GRAMD2B: variants seen among roughly 807,000 people sequenced by gnomAD.
The protein encoded by GRAMD2B is GRAM domain containing 2B.
GRAMD2B carries 41 observed loss-of-function variants against 59.2 expected under a neutral mutation model. The observed-to-expected ratio is 0.69, with a 90% confidence interval of 0.54 to 0.90. The LOEUF is 0.90. GRAMD2B is among the 40% of genes least tolerant of loss of function. The pLI is 0.00. For synonymous variants in GRAMD2B, 161 were observed against 182.7 expected (o/e 0.88, Z 0.96); for missense variants, 424 against 500.5 (o/e 0.85, Z 1.46).
intron 11 of GRAMD2B, 137 bp downstream of exon 11, chr5:126,485,910 T>A (rs1772824515): frequency 6.8e-6 from 4 of 585,224 alleles, no homozygotes; most frequent in Non-Finnish European, 1.2e-5. Context: ...TGACAATTTC[T>A]GTCTCCTACT....
Position 126,484,395 on chromosome 5 carries a change from TTAG to T in GRAMD2B, c.848-3_848-1del. On this transcript the variant is annotated splice_region_variant and splice_polypyrimidine_tract_variant and intron_variant, in intron 9 of 13. Transcript: ENST00000285689. Reference sequence around the variant, plus strand: ...AACACTTACCCAGCTCTGTTTTGGCTTAGTAGATTTCCATGCGACAGAATCCCA... The same window carrying T: ...AACACTTACCCAGCTCTGTTTTGGCTTAGATTTCCATGCGACAGAATCCCA... 2.5e-6 allele frequency: 4 copies of T among 1,612,510 alleles called. No individual in the cohort carries two copies. The South Asian group carries it at 3.3e-5, about 13-fold the overall frequency.
chr5:126,365,415 G>T (rs1012225004), intron 1 of GRAMD2B, among the ~76,000 whole-genome samples: 1 of 152,192 alleles, frequency 6.6e-6, no homozygotes, highest in African/African-American at 2.4e-5. Context: ...GGCAGAATAT[G>T]CAATAACCAC....
intron 13 of GRAMD2B, among the ~76,000 whole-genome samples, chr5:126,490,843 G>T (rs1276667491): frequency 6.6e-6 from 1 of 152,098 alleles, no homozygotes; most frequent in African/African-American, 2.4e-5. Context: ...TCTGTTCATG[G>T]CATCACTGCT....
At chr5:126,423,796 T>C (rs999514282) in intron 1 of GRAMD2B, 107 bp downstream of exon 1, 2 of 1,065,750 alleles carry the variant, frequency 1.9e-6, no homozygotes, top group East Asian at 5.7e-5. Flanking sequence ...GGAGCTCCTA[T>C]ATGGACAATC....
chr5:126,408,582 T>C (rs1758467066), intron 1 of GRAMD2B, among the ~76,000 whole-genome samples: 2 of 151,860 alleles, frequency 1.3e-5, no homozygotes, highest in Admixed American at 1.3e-4. Context: ...CTCCCTTGAA[T>C]GTGGCCTGAT....
chr5:126,363,973 T>C (rs1754333978), intron 1 of GRAMD2B, among the ~76,000 whole-genome samples: 1 of 152,200 alleles, frequency 6.6e-6, no homozygotes, highest in Admixed American at 6.5e-5. Context: ...GAACTTTGTA[T>C]TATGTAAATT....
chr5:126,481,106 A>G (rs1205789242), intron 8 of GRAMD2B, among the ~76,000 whole-genome samples: 1 of 151,926 alleles, frequency 6.6e-6, no homozygotes, highest in Admixed American at 6.6e-5. Flanking sequence ...TGCACACTGT[A>G]GGATACCAGG....
chr5:126,450,375 A>G (rs897860184), intron 1 of GRAMD2B, among the ~76,000 whole-genome samples: 3 of 152,180 alleles, frequency 2.0e-5, no homozygotes, highest in South Asian at 2.1e-4. Context: ...TATTTCTAGC[A>G]TAATATATTC....
At chr5:126,386,511 C>T (rs1262483242) in intron 1 of GRAMD2B, among the ~76,000 whole-genome samples, 1 of 152,210 alleles carries the variant, frequency 6.6e-6, no homozygotes, top group African/African-American at 2.4e-5. Context: ...GTAGCTCTGG[C>T]TCAGGGACTT....
At chr5:126,454,209 G>A (rs1765869729) in intron 1 of GRAMD2B, among the ~76,000 whole-genome samples, 1 of 152,212 alleles carries the variant, frequency 6.6e-6, no homozygotes, top group African/African-American at 2.4e-5. Flanking sequence ...CTTGGCTCGT[G>A]TCCAGATGCC....
intron 1 of GRAMD2B, among the ~76,000 whole-genome samples, chr5:126,442,590 C>T (rs1763487667): frequency 1.3e-5 from 2 of 152,252 alleles, no homozygotes; most frequent in African/African-American, 4.8e-5. Context: ...CCGCGCCTGG[C>T]CTAAAATGCT....
At chr5:126,426,616 A>G (rs2149789671) in intron 1 of GRAMD2B, among the ~76,000 whole-genome samples, 1 of 152,216 alleles carries the variant, frequency 6.6e-6, no homozygotes, top group East Asian at 1.9e-4. Flanking sequence ...TGAATTTCTC[A>G]GAGGACCCAA....
chr5:126,409,924 A>C (rs1462353609), intron 1 of GRAMD2B, among the ~76,000 whole-genome samples: 2 of 151,984 alleles, frequency 1.3e-5, no homozygotes, highest in East Asian at 1.9e-4. Context: ...CAGTTTTCCC[A>C]GCACCATTTA....
intron 1 of GRAMD2B, among the ~76,000 whole-genome samples, chr5:126,375,126 T>A (rs968848535): frequency 6.6e-6 from 1 of 152,196 alleles, no homozygotes; most frequent in Non-Finnish European, 1.5e-5. Context: ...ATCTTACACA[T>A]CATGTTAGAT....
At chr5:126,437,971 G>T (rs1251925611) in intron 1 of GRAMD2B, among the ~76,000 whole-genome samples, 2 of 152,184 alleles carry the variant, frequency 1.3e-5, no homozygotes, top group Admixed American at 6.5e-5. Context: ...TCACAGCTCA[G>T]ATTGGTGCAT....
chr5:126,423,686 C>T lies in GRAMD2B; in HGVS notation c.80C>T (p.Ala27Val), dbSNP rs1188437091. ...LGKRESKLGS[A>V]HSEAENGVEE... ...AAGAGGGAGAGCAAACTTGGCTCAGCCCAGTGAGTATTCTCAGCTGGGACC... is the reference window on the plus strand; with the variant it reads ...AAGAGGGAGAGCAAACTTGGCTCAGTCCAGTGAGTATTCTCAGCTGGGACC... Residue 27 changes from alanine to valine, a missense_variant, in exon 1 of 14, where the codon GCC (alanine) becomes GTC (valine). Coordinates refer to ENST00000285689, the MANE Select transcript of GRAMD2B (RefSeq NM_023927.4). 2 of 1,605,840 alleles carry T rather than the reference C, an allele frequency of 1.2e-6. No homozygotes were observed. The highest frequency in any genetic ancestry group is 1.7e-6 in the Non-Finnish European group (2 of 1,176,818).
intron 1 of GRAMD2B, among the ~76,000 whole-genome samples, chr5:126,403,944 C>T (rs1453306879): frequency 6.6e-6 from 1 of 151,718 alleles, no homozygotes; most frequent in African/African-American, 2.4e-5. Context: ...GTATTTAAAT[C>T]TTAATACAGA....
At chr5:126,407,921 T>C (rs140973365) in intron 1 of GRAMD2B, among the ~76,000 whole-genome samples, 1 of 152,204 alleles carries the variant, frequency 6.6e-6, no homozygotes, top group East Asian at 1.9e-4. Context: ...ATTATTTTTG[T>C]GTTGTTTTAA....
At chr5:126,460,454 C>T (rs1404305260) in intron 1 of GRAMD2B, among the ~76,000 whole-genome samples, 1 of 152,144 alleles carries the variant, frequency 6.6e-6, no homozygotes, top group East Asian at 1.9e-4. Flanking sequence ...TTCTTCTTGA[C>T]TTGTAAAAAT....
Sources: gnomAD v4.1 joint callset for allele counts (sites outside exome capture counted in the v4.1 genomes callset) on GRCh38, gnomAD v4.1.1 for gene constraint, MANE v1.5 for transcripts, NCBI Gene and HGNC (gene_info 2026-07-23, HGNC 2026-07-21) for gene names.